The following TAF4 variants were observed in gnomAD, a reference collection of about 807,000 sequenced individuals.
TAF4 encodes the protein TATA-box binding protein associated factor 4, also known as transcription initiation factor TFIID subunit 4.
A neutral mutation model predicts 90.3 loss-of-function variants in TAF4; 9 were observed. The observed-to-expected ratio is 0.10, with a 90% CI of 0.06 to 0.17. The LOEUF (loss-of-function observed/expected upper bound fraction) is 0.17, where lower values mean the gene tolerates loss of function less well. Ranked by LOEUF, TAF4 falls within the 10% of genes least tolerant of loss-of-function variation. TAF4 has a pLI of 1.00. For synonymous variants in TAF4, 818 were observed against 638.9 expected (o/e 1.28, Z -4.23); for missense variants, 1,351 against 1,370.7 (o/e 0.99, Z 0.23).
At chr20:62,016,867 T>C (rs1310501040) in intron 1 of TAF4, among the ~76,000 whole-genome samples, 2 of 152,238 alleles carry the variant, frequency 1.3e-5, no homozygotes, top group South Asian at 2.1e-4. Flanking sequence ...AGGGTGAGTG[T>C]GGTGGCTCAC....
intron 1 of TAF4, among the ~76,000 whole-genome samples, chr20:62,031,073 C>A (rs547156308): frequency 6.6e-6 from 1 of 152,366 alleles, no homozygotes; most frequent in African/African-American, 2.4e-5. Context: ...CTGTTGAAAA[C>A]ACTGAGCACC....
In TAF4 at chr20:62,010,171, A is replaced by G; in HGVS notation, c.1642-6T>C. 3 of 1,613,794 alleles carry G rather than the reference A, an allele frequency of 1.9e-6. No homozygotes were observed. The South Asian group carries it at 3.3e-5, about 18-fold the overall frequency. On this transcript the variant is annotated splice_region_variant and splice_polypyrimidine_tract_variant and intron_variant, in intron 3 of 14. Transcript: ENST00000252996. The surrounding 1 kb of genome is among the most constrained non-coding windows in gnomAD (Gnocchi z 4.5). ...CCACCCAGAACGAGCTGAGGCTACA[A>G]GAATCCAAAAACACAAGGTAAGGGC...
chr20:62,003,662 A>C (rs1416209362), intron 8 of TAF4, 69 bp downstream of exon 8: 7 of 1,477,590 alleles, frequency 4.7e-6, no homozygotes, highest in Non-Finnish European at 6.3e-6. Flanking sequence ...ATTAAATAAA[A>C]GCCCAATGGC....
intron 1 of TAF4, among the ~76,000 whole-genome samples, chr20:62,023,772 AAAG>A (rs1355078215): frequency 4.8e-4 from 65 of 136,692 alleles, no homozygotes; most frequent in African/African-American, 1.6e-3. Context: ...AAAAAAAAAG[AAAG>A]AAAGAAAGAA....
At chr20:61,999,996 G>T (rs971228924) in intron 11 of TAF4, 128 bp downstream of exon 11, 2 of 1,153,312 alleles carry the variant, frequency 1.7e-6, no homozygotes, top group Non-Finnish European at 2.5e-6. Flanking sequence ...TCCAAAACAC[G>T]TTCGTAAGGA....
At chr20:61,989,118 G>A (rs2055614771) in intron 14 of TAF4, among the ~76,000 whole-genome samples, 1 of 152,132 alleles carries the variant, frequency 6.6e-6, no homozygotes, top group African/African-American at 2.4e-5. Flanking sequence ...GCTAGGCAAG[G>A]ACCGTAGTCT....
chr20:61,979,494 G>A (rs1422235925), intron 14 of TAF4, among the ~76,000 whole-genome samples: 1 of 145,846 alleles, frequency 6.9e-6, no homozygotes, highest in African/African-American at 2.6e-5. Context: ...ACTGCGGCCC[G>A]TGCAGGCGCC....
chr20:62,040,968 G>T (rs1401870164), intron 1 of TAF4, among the ~76,000 whole-genome samples: 1 of 152,248 alleles, frequency 6.6e-6, no homozygotes, highest in African/African-American at 2.4e-5. Flanking sequence ...AATGTATAGC[G>T]TACATCCAAA....
chr20:62,045,756 G>A (rs940350269), intron 1 of TAF4, among the ~76,000 whole-genome samples: 1 of 152,220 alleles, frequency 6.6e-6, no homozygotes, highest in Non-Finnish European at 1.5e-5. Context: ...TGGCGAAAGA[G>A]CAGGCGGGCA....
intron 1 of TAF4, among the ~76,000 whole-genome samples, chr20:62,031,533 C>G (rs2055904344): frequency 6.6e-6 from 1 of 152,208 alleles, no homozygotes; most frequent in Non-Finnish European, 1.5e-5. Flanking sequence ...TCAAATGACA[C>G]TTTGGGCATT....
chr20:62,013,479 T>C (rs973417016), intron 2 of TAF4, among the ~76,000 whole-genome samples: 3 of 152,158 alleles, frequency 2.0e-5, no homozygotes, highest in Non-Finnish European at 4.4e-5. Flanking sequence ...AAGCCACGAG[T>C]GTCTTCCACA....
At chr20:62,063,485 C>G (rs28381996) in intron 1 of TAF4, among the ~76,000 whole-genome samples, 3,741 of 152,284 alleles carry the variant, frequency 0.025, 91 homozygotes, top group African/African-American at 0.061. Context: ...AGCAGCAATG[C>G]TGGCCAGGCA....
intron 1 of TAF4, among the ~76,000 whole-genome samples, chr20:62,064,101 G>A (rs893977738): frequency 2.0e-5 from 3 of 152,224 alleles, no homozygotes; most frequent in Non-Finnish European, 2.9e-5. Flanking sequence ...GAGCCCCTGC[G>A]CTGAGCCTAC....
chr20:62,034,737 G>T (rs777675330), intron 1 of TAF4, among the ~76,000 whole-genome samples: 1 of 151,896 alleles, frequency 6.6e-6, no homozygotes, highest in Non-Finnish European at 1.5e-5. Flanking sequence ...ATATGAAAAA[G>T]ACACATAAAA....
chr20:62,033,998 C>G (rs1330157983), intron 1 of TAF4, among the ~76,000 whole-genome samples: 1 of 149,310 alleles, frequency 6.7e-6, no homozygotes, highest in South Asian at 2.1e-4. Flanking sequence ...GCCAAGACCG[C>G]GCCACTGCAC....
intron 1 of TAF4, among the ~76,000 whole-genome samples, chr20:62,020,193 G>A (rs540738625): frequency 2.0e-5 from 3 of 152,292 alleles, no homozygotes; most frequent in African/African-American, 4.8e-5. Flanking sequence ...AGCCCAGGAC[G>A]ACAGGCCCCT....
intron 1 of TAF4, among the ~76,000 whole-genome samples, chr20:62,055,776 G>A (rs2056059944): frequency 6.6e-6 from 1 of 152,122 alleles, no homozygotes; most frequent in South Asian, 2.1e-4. Context: ...CTCACCCAAG[G>A]GTGCTAATCA....
chr20:62,012,775 G>T (rs766526381), intron 3 of TAF4, 40 bp downstream of exon 3: 1 of 1,570,234 alleles, frequency 6.4e-7, no homozygotes, highest in Non-Finnish European at 8.6e-7. Context: ...ACACTTCGTG[G>T]CCCCTGCAGC....
intron 11 of TAF4, 32 bp downstream of exon 11, chr20:62,000,092 A>G: frequency 6.2e-7 from 1 of 1,614,188 alleles, no homozygotes; most frequent in Non-Finnish European, 8.5e-7. Context: ...CCAACAACAT[A>G]AAGACGCTCT....
Sources: allele counts gnomAD v4.1 joint callset (sites outside exome capture counted in the v4.1 genomes callset), GRCh38; gene constraint gnomAD v4.1.1; non-coding constraint Gnocchi (gnomAD v3.1); transcripts MANE v1.5; gene names NCBI Gene and HGNC (gene_info 2026-07-23, HGNC 2026-07-21).